MAGI2: variants seen among roughly 807,000 people sequenced by gnomAD.
The protein encoded by MAGI2 is membrane-associated guanylate kinase, WW and PDZ domain-containing protein 2.
In MAGI2, 35 loss-of-function variants were observed where a neutral mutation model predicts 133.3. The observed-to-expected ratio is 0.26, with a 90% confidence interval of 0.20 to 0.35. The LOEUF (loss-of-function observed/expected upper bound fraction) is 0.35, where lower values mean the gene tolerates loss of function less well. Ranked by LOEUF, MAGI2 falls within the 10% of genes least tolerant of loss-of-function variation. The pLI, the probability that MAGI2 is intolerant of heterozygous loss-of-function variation, is 1.00. For missense variants in MAGI2, 1,636 were observed against 1,863.4 expected (o/e 0.88, Z 2.25); for synonymous variants, 729 against 710.6 (o/e 1.03, Z -0.41).
intron 2 of MAGI2, among the ~76,000 whole-genome samples, chr7:78,688,967 CATT>C (rs1478874453): frequency 3.9e-5 from 6 of 152,162 alleles, no homozygotes; most frequent in Non-Finnish European, 8.8e-5. Flanking sequence ...GGAAAGTTAA[CATT>C]ATTTTTCAGT....
intron 21 of MAGI2, among the ~76,000 whole-genome samples, chr7:78,026,552 A>G (rs755323900): frequency 2.8e-4 from 43 of 152,328 alleles, no homozygotes; most frequent in Non-Finnish European, 5.7e-4. Flanking sequence ...CCAAATTATA[A>G]TGGTTCATTT....
intron 3 of MAGI2, among the ~76,000 whole-genome samples, chr7:78,568,678 C>T (rs1353614384): frequency 6.6e-6 from 1 of 152,210 alleles, no homozygotes; most frequent in Non-Finnish European, 1.5e-5. Flanking sequence ...TCTGCTTCCA[C>T]TATCGTCCCC....
chr7:78,790,971 A>G (rs1827198579), intron 2 of MAGI2, among the ~76,000 whole-genome samples: 1 of 152,234 alleles, frequency 6.6e-6, no homozygotes, highest in Admixed American at 6.5e-5. Flanking sequence ...TCTGACTCCA[A>G]ATAATACAGT....
At chr7:79,085,635 A>C (rs914034988) in intron 1 of MAGI2, among the ~76,000 whole-genome samples, 2 of 151,728 alleles carry the variant, frequency 1.3e-5, no homozygotes, top group Non-Finnish European at 2.9e-5. Flanking sequence ...TCCTCTGCAG[A>C]GTTTGTTCTT....
At chr7:79,256,903 A>G (rs1833728272) in intron 1 of MAGI2, among the ~76,000 whole-genome samples, 1 of 152,208 alleles carries the variant, frequency 6.6e-6, no homozygotes, top group Non-Finnish European at 1.5e-5. Context: ...TACCTGAATT[A>G]GAAAGAACAA....
intron 3 of MAGI2, among the ~76,000 whole-genome samples, chr7:78,605,578 T>C (rs181508876): frequency 1.3e-5 from 2 of 152,236 alleles, no homozygotes; most frequent in Admixed American, 6.5e-5. Context: ...AACTGCCAAA[T>C]CAAAATATTA....
intron 4 of MAGI2, among the ~76,000 whole-genome samples, chr7:78,512,562 C>T (rs951939759): frequency 1.4e-4 from 21 of 152,136 alleles, no homozygotes; most frequent in African/African-American, 2.9e-4. Flanking sequence ...CGTGCCACCA[C>T]GATGGGCTGA....
chr7:79,156,765 G>T (rs1206412281), intron 1 of MAGI2, among the ~76,000 whole-genome samples: 2 of 152,128 alleles, frequency 1.3e-5, no homozygotes, highest in East Asian at 1.9e-4. Context: ...CCTGGTAATG[G>T]TCACTCATAT....
At chr7:78,269,778 C>G (rs952157385) in intron 9 of MAGI2, among the ~76,000 whole-genome samples, 1 of 152,166 alleles carries the variant, frequency 6.6e-6, no homozygotes, top group African/African-American at 2.4e-5. Flanking sequence ...AATTAGATCC[C>G]ATTTGTCAAT....
chr7:78,779,998 G>C (rs1382168983), intron 2 of MAGI2, among the ~76,000 whole-genome samples: 1 of 152,186 alleles, frequency 6.6e-6, no homozygotes, highest in African/African-American at 2.4e-5. Flanking sequence ...CTCTGGGACA[G>C]AAATTAGAAA....
At chr7:78,889,011 A>C (rs565940954) in intron 2 of MAGI2, among the ~76,000 whole-genome samples, 2 of 152,346 alleles carry the variant, frequency 1.3e-5, no homozygotes, top group South Asian at 4.1e-4. Context: ...TAACTAGAAT[A>C]ATCAATGCAG....
intron 1 of MAGI2, among the ~76,000 whole-genome samples, chr7:79,441,094 G>C (rs1040284204): frequency 2.0e-5 from 3 of 152,224 alleles, no homozygotes; most frequent in Admixed American, 1.3e-4. Flanking sequence ...AACTGGTGAA[G>C]AGATGGAATT....
At chr7:78,426,003 C>T (rs1298356896) in intron 6 of MAGI2, among the ~76,000 whole-genome samples, 2 of 152,032 alleles carry the variant, frequency 1.3e-5, no homozygotes, top group African/African-American at 4.8e-5. Context: ...AAAAATCAGT[C>T]AACAGACATT....
rs59287974 is a variant in MAGI2 at position 78,645,640 on chromosome 7, GGTGT to G, written c.419-18405_419-18402del. ...TTAACTATTTTGCAGATATAAGTGT[GGTGT>G]GTGTGTGTGTGTGTGTGTGTGTGTG... On this transcript the variant is annotated intron_variant, in intron 2 of 21. Transcript: ENST00000354212. Among the ~76,000 whole-genome samples, 1,067 of 147,372 alleles carry G rather than the reference GGTGT, an allele frequency of 7.2e-3. 9 individuals are homozygous for G. Among genetic ancestry groups the G allele is most frequent in the South Asian group, 0.027 (125 of 4,612 alleles).
At chr7:79,112,234 CTCA>C (rs1417372497) in intron 1 of MAGI2, among the ~76,000 whole-genome samples, 3 of 152,040 alleles carry the variant, frequency 2.0e-5, no homozygotes, top group Non-Finnish European at 4.4e-5. Context: ...GAAAAAAAAT[CTCA>C]TCAGCACAGC....
At chr7:78,300,233 T>G (rs1294526678) in intron 9 of MAGI2, among the ~76,000 whole-genome samples, 1 of 152,214 alleles carries the variant, frequency 6.6e-6, no homozygotes, top group Non-Finnish European at 1.5e-5. Flanking sequence ...AATAATTTAA[T>G]GAAGAATCGA....
At chr7:79,361,155 T>G (rs1261119077) in intron 1 of MAGI2, among the ~76,000 whole-genome samples, 1 of 152,224 alleles carries the variant, frequency 6.6e-6, no homozygotes, top group Non-Finnish European at 1.5e-5. Context: ...ACTTTTCTAC[T>G]AGGAAGACTT....
intron 10 of MAGI2, among the ~76,000 whole-genome samples, chr7:78,218,633 G>C (rs565803143): frequency 3.9e-5 from 6 of 152,242 alleles, no homozygotes; most frequent in African/African-American, 1.4e-4. Flanking sequence ...TTGGCTTTCA[G>C]GTTTCTAAAG....
chr7:78,334,959 T>A (rs553391579), intron 9 of MAGI2, among the ~76,000 whole-genome samples: 18 of 152,164 alleles, frequency 1.2e-4, no homozygotes, highest in African/African-American at 4.1e-4. Context: ...GCTGGCAAAC[T>A]AAGACCCATG....
Sources: gnomAD v4.1 joint callset for allele counts (sites outside exome capture counted in the v4.1 genomes callset) on GRCh38, gnomAD v4.1.1 for gene constraint, MANE v1.5 for transcripts, NCBI Gene and HGNC (gene_info 2026-07-23, HGNC 2026-07-21) for gene names.